Variants in RBL2 observed in about 807,000 individuals in gnomAD.
The protein encoded by RBL2 is RB transcriptional corepressor like 2, also known as retinoblastoma-like protein 2.
RBL2 carries 56 observed loss-of-function variants against 126.0 expected under a neutral mutation model. That is an observed-to-expected ratio of 0.44 (90% CI 0.36 to 0.56). RBL2 has a LOEUF of 0.56. Ranked by LOEUF, RBL2 falls within the 20% of genes least tolerant of loss-of-function variation. The pLI is 0.00. For synonymous variants in RBL2, 454 were observed against 478.5 expected, an observed-to-expected ratio of 0.95 and a Z score of 0.67; for missense variants, 1,229 against 1,398.2, an observed-to-expected ratio of 0.88 and a Z score of 1.93.
In RBL2 at chr16:53,440,102, C is replaced by T. The variant is rs2058000600; in HGVS notation, c.371+956C>T. Among the ~76,000 whole-genome samples the T allele has an allele frequency of 2.0e-5, 3 of 152,048 alleles. No homozygotes were observed. In the South Asian group the frequency reaches 6.2e-4, roughly 31 times the overall value. On this transcript the variant is annotated intron_variant, in intron 2 of 21. Transcript: ENST00000262133. ...CTTGAGGTCAAGAATTGGAGATCAG[C>T]CTGGCCAATATGGTGAAACCCCGTC...
At chr16:53,435,406 C>T (rs1167168996) in intron 1 of RBL2, among the ~76,000 whole-genome samples, 1 of 152,164 alleles carries the variant, frequency 6.6e-6, no homozygotes, top group Non-Finnish European at 1.5e-5. Context: ...CCCCATTTGT[C>T]ACTAGGATCA....
chr16:53,442,344 A>C (rs1035364284), intron 2 of RBL2, among the ~76,000 whole-genome samples: 1 of 152,222 alleles, frequency 6.6e-6, no homozygotes, highest in Non-Finnish European at 1.5e-5. Flanking sequence ...TTAATATATT[A>C]ACATTTAAAA....
At chr16:53,451,897 G>T in intron 5 of RBL2, 66 bp downstream of exon 5, 1 of 1,554,324 alleles carries the variant, frequency 6.4e-7, no homozygotes, top group Non-Finnish European at 8.8e-7. Context: ...CCTTGGAGTT[G>T]TACAGGTTTC....
intron 4 of RBL2, among the ~76,000 whole-genome samples, chr16:53,447,446 T>C (rs895114223): frequency 3.9e-5 from 6 of 152,194 alleles, no homozygotes; most frequent in African/African-American, 1.4e-4. Flanking sequence ...ATGTATCTTA[T>C]TTAGTTGAGC....
intron 14 of RBL2, among the ~76,000 whole-genome samples, chr16:53,467,964 C>T (rs2058287207): frequency 6.6e-6 from 1 of 152,078 alleles, no homozygotes; most frequent in Non-Finnish European, 1.5e-5. Flanking sequence ...GCTGTGCTAC[C>T]CTAGTTAATG....
intron 5 of RBL2, among the ~76,000 whole-genome samples, chr16:53,453,251 C>T (rs2058132854): frequency 6.6e-6 from 1 of 152,124 alleles, no homozygotes; most frequent in South Asian, 2.1e-4. Context: ...TAACTGAAAT[C>T]TTTCGAGTAA....
At position 53,490,260 on chromosome 16, in the gene RBL2, G is replaced by A. The variant is rs1961364724; in HGVS notation, c.3380G>A (p.Arg1127His). The A allele has an allele frequency of 6.2e-7, 1 of 1,611,938 alleles. No individual in the cohort carries two copies. Among genetic ancestry groups the A allele is most frequent in the East Asian group, 2.2e-5 (1 of 44,832 alleles). The change falls in exon 22 of 22, where the codon CGC (arginine) becomes CAC (histidine). Residue 1127 changes from arginine to histidine, a missense_variant. Transcript: ENST00000262133. ...CCAGAAAATCATTCTGCCTTATTAC[G>A]CCGTCTCCAAGATGTAGCTAATGAC... ...ICPENHSALL[R>H]RLQDVANDRG...
At chr16:53,455,314 C>A (rs1441724848) in intron 8 of RBL2, among the ~76,000 whole-genome samples, 1 of 152,200 alleles carries the variant, frequency 6.6e-6, no homozygotes, top group Non-Finnish European at 1.5e-5. Flanking sequence ...CAAGAGTTTC[C>A]CTTCTGCTAT....
Position 53,469,981 on chromosome 16 carries a change from C to T in RBL2, c.2041C>T (p.Arg681Trp), listed in dbSNP as rs976538118. The T allele has an allele frequency of 1.9e-6, 3 of 1,613,914 alleles. No individual in the cohort carries two copies. The highest frequency in any genetic ancestry group is 3.3e-5 in the Admixed American group (2 of 60,014). The change falls in exon 15 of 22, where the codon CGG becomes TGG. Residue 681 changes from arginine (R) to tryptophan (W), a missense_variant. Arg to Trp is a moderately radical substitution (Grantham distance 101). This residue lies in a region of RBL2 where 1,070 missense variants were observed against 1,274.3 expected (regional missense o/e 0.84). Coordinates refer to ENST00000262133, the MANE Select transcript of RBL2 (RefSeq NM_005611.4). ...SSPPASTTRR[R>W]LFVENDSPSD... ...CCCACCAGCCAGCACTACCAGAAGGCGGCTATTTGTTGAGAATGATAGCCC... is the reference window on the plus strand; with the variant it reads ...CCCACCAGCCAGCACTACCAGAAGGTGGCTATTTGTTGAGAATGATAGCCC...
Position 53,439,117 on chromosome 16 carries a change from A to T in RBL2, c.342A>T (p.Leu114Phe). Reference protein sequence around the residue: ...KGTVEGNYVSLTRILKCSEQS... With the variant: ...KGTVEGNYVSFTRILKCSEQS... ...CAGTGGAAGGAAACTATGTATCTTT[A>T]ACTAGAATCCTGAAATGTTCAGAGC... Residue 114 changes from leucine to phenylalanine, a missense_variant, in exon 2 of 22, where the codon TTA becomes TTT. Coordinates refer to ENST00000262133, the MANE Select transcript of RBL2 (RefSeq NM_005611.4). 1 of 1,606,082 alleles carries T rather than the reference A, an allele frequency of 6.2e-7. No homozygotes were observed. The highest frequency in any genetic ancestry group is 8.5e-7 in the Non-Finnish European group (1 of 1,176,608).
intron 4 of RBL2, 42 bp from the exon 5 acceptor site, chr16:53,451,661 G>A: frequency 6.3e-7 from 1 of 1,588,972 alleles, no homozygotes; most frequent in East Asian, 2.2e-5. Context: ...ATGTTACAAA[G>A]TCAATGCTAA....
At chr16:53,484,050 G>A (rs1194305272) in intron 21 of RBL2, among the ~76,000 whole-genome samples, 1 of 151,854 alleles carries the variant, frequency 6.6e-6, no homozygotes, top group Non-Finnish European at 1.5e-5. Context: ...ATATTTAAAA[G>A]ATATACTTTC....
At chr16:53,456,097 G>A (rs557019212) in intron 8 of RBL2, among the ~76,000 whole-genome samples, 1 of 152,172 alleles carries the variant, frequency 6.6e-6, no homozygotes, top group African/African-American at 2.4e-5. Context: ...GATTCGTTGA[G>A]CCCAGGAGTT....
In RBL2 at chr16:53,491,544, A is replaced by G. The variant is rs779140054; in HGVS notation, c.*1244A>G. On this transcript the variant is annotated 3_prime_UTR_variant, in exon 22 of 22. Coordinates refer to ENST00000262133, the MANE Select transcript of RBL2 (RefSeq NM_005611.4). Reference sequence around the variant, plus strand: ...AGAAATATGGAACTTACATTGTTCAATTAGAATAGTGTTCTGCAAAAATAT... The same window carrying G: ...AGAAATATGGAACTTACATTGTTCAGTTAGAATAGTGTTCTGCAAAAATAT... 2.0e-5 allele frequency: 3 copies of G among 152,648 alleles called. No homozygotes were observed. The highest frequency in any genetic ancestry group is 7.2e-5 in the African/African-American group (3 of 41,460). The allele number at this position is 152,648 out of a possible 1,614,324, so 9.5% of individuals were successfully genotyped here.
chr16:53,466,589 T>C (rs775464340), intron 13 of RBL2, among the ~76,000 whole-genome samples: 15 of 151,998 alleles, frequency 9.9e-5, no homozygotes, highest in Admixed American at 5.2e-4. Flanking sequence ...AGATCCCTTA[T>C]GTGTGCAGTT....
At chr16:53,479,852 T>C (rs746548831) in intron 18 of RBL2, 34 bp from the exon 19 acceptor site, 2 of 1,432,372 alleles carry the variant, frequency 1.4e-6, no homozygotes, top group African/African-American at 1.4e-5. Context: ...CAACAAATAC[T>C]AGTTTATGTC....
intron 14 of RBL2, among the ~76,000 whole-genome samples, chr16:53,467,856 A>G (rs2058286449): frequency 6.6e-6 from 1 of 152,260 alleles, no homozygotes; most frequent in Non-Finnish European, 1.5e-5. Context: ...TTTTAAAATC[A>G]GAAATAGAAA....
intron 21 of RBL2, chr16:53,488,656 A>G (rs1217713352): frequency 6.6e-6 from 1 of 152,224 alleles, no homozygotes; most frequent in African/African-American, 2.4e-5. Flanking sequence ...CTATGAGAAA[A>G]TAATTATCAA....
chr16:53,456,546 T>C (rs1311053207), intron 8 of RBL2, among the ~76,000 whole-genome samples: 1 of 152,184 alleles, frequency 6.6e-6, no homozygotes, highest in Non-Finnish European at 1.5e-5. Flanking sequence ...ATGTCTCCAG[T>C]TGGGTGAATG....
Sources: allele counts gnomAD v4.1 joint callset (sites outside exome capture counted in the v4.1 genomes callset), GRCh38; gene constraint gnomAD v4.1.1; regional missense constraint gnomAD v4.1.1; transcripts MANE v1.5; gene names NCBI Gene and HGNC (gene_info 2026-07-23, HGNC 2026-07-21).